TNRC6A: variants seen among roughly 807,000 people sequenced by gnomAD.
TNRC6A encodes trinucleotide repeat containing adaptor 6A.
A neutral mutation model predicts 221.2 loss-of-function variants in TNRC6A; 44 were observed. That is an observed-to-expected ratio of 0.20 (90% confidence interval 0.16 to 0.26). The LOEUF (loss-of-function observed/expected upper bound fraction) is 0.26. Among genes scored for constraint, TNRC6A ranks in the 10% least tolerant of loss-of-function variants. The pLI is 1.00. For missense variants in TNRC6A, 2,199 were observed against 2,404.4 expected (o/e 0.91, Z 1.79); for synonymous variants, 847 against 838.5 (o/e 1.01, Z -0.18).
chr16:24,729,839 C>A lies in TNRC6A; in HGVS notation c.-3C>A. 7.2e-7 allele frequency: 1 copy of A among 1,382,168 alleles called. No individual in the cohort carries two copies. The highest frequency in any genetic ancestry group is 1.7e-5 in the South Asian group (1 of 58,452). 85.6% of individuals were successfully genotyped at this position (1,382,168 alleles called of 1,614,324 possible). On this transcript the variant is annotated 5_prime_UTR_variant, in exon 1 of 25. Coordinates refer to ENST00000395799, the MANE Select transcript of TNRC6A (RefSeq NM_014494.4). ...GCCCCACTTGCTCGTGCACTTTACA[C>A]ACATGAGGTGAGCGGAACAAGGGCC...
At chr16:24,647,831 C>T (rs569318466) in intron 2 of TNRC6A, among the ~76,000 whole-genome samples, 2 of 152,032 alleles carry the variant, frequency 1.3e-5, no homozygotes, top group Non-Finnish European at 2.9e-5. Context: ...AGGCTGGTCT[C>T]GAACTCCTGA....
intron 2 of TNRC6A, among the ~76,000 whole-genome samples, chr16:24,680,533 A>G (rs1419688121): frequency 6.6e-6 from 1 of 151,956 alleles, no homozygotes; most frequent in South Asian, 2.1e-4. Flanking sequence ...CCTCACCAAC[A>G]TAGTGAAACC....
chr16:24,804,571 G>T, intron 12 of TNRC6A, 134 bp from the exon 13 acceptor site: 2 of 1,346,460 alleles, frequency 1.5e-6, no homozygotes, highest in East Asian at 2.4e-5. Flanking sequence ...ACACTAATCC[G>T]ATCTCTTCTG....
intron 1 of TNRC6A, among the ~76,000 whole-genome samples, chr16:24,626,754 A>G (rs572810648): frequency 1.4e-5 from 2 of 144,778 alleles, no homozygotes; most frequent in African/African-American, 5.2e-5. Context: ...GGTTCACGCC[A>G]TTCTCTTGCC....
chr16:24,784,459 G>A (rs1205903789), intron 5 of TNRC6A, among the ~76,000 whole-genome samples: 1 of 152,174 alleles, frequency 6.6e-6, no homozygotes, highest in East Asian at 1.9e-4. Flanking sequence ...AAGGAGCTGG[G>A]ACCCCAGGTA....
chr16:24,643,717 C>T (rs751012504), intron 2 of TNRC6A, among the ~76,000 whole-genome samples: 6 of 152,148 alleles, frequency 3.9e-5, no homozygotes, highest in Non-Finnish European at 5.9e-5. Flanking sequence ...CACCCCTCCC[C>T]GCCGCCCCAT....
Position 24,791,030 on chromosome 16 carries a change from A to G in TNRC6A, c.2388A>G (p.Lys796=). 1 of 1,591,376 alleles carries G rather than the reference A, an allele frequency of 6.3e-7. No homozygotes were observed. The highest frequency in any genetic ancestry group is 8.6e-7 in the Non-Finnish European group (1 of 1,168,648). ...PKPALRWGDS[K]GSNCQGGWED... is the part of the protein sequence containing the mutation. ...CTGCTCTGAGGTGGGGAGATTCCAA[A>G]GGCTCAAACTGCCAGGGGGGGTGGG... Residue 796 remains lysine, a synonymous_variant, in exon 6 of 25, where the codon AAA becomes AAG. Transcript: ENST00000395799.
intron 2 of TNRC6A, among the ~76,000 whole-genome samples, chr16:24,731,780 T>C (rs1228916230): frequency 6.6e-6 from 1 of 152,164 alleles, no homozygotes; most frequent in Non-Finnish European, 1.5e-5. Flanking sequence ...AGAACTCGAG[T>C]CTGGGTTGGC....
At chr16:24,645,763 G>A (rs779240616) in intron 2 of TNRC6A, among the ~76,000 whole-genome samples, 8 of 145,006 alleles carry the variant, frequency 5.5e-5, no homozygotes, top group East Asian at 2.0e-4. Context: ...TTGGGAGGCC[G>A]AGGTGGGGAA....
chr16:24,657,317 CA>C (rs56241898), intron 2 of TNRC6A, among the ~76,000 whole-genome samples: 2,875 of 87,960 alleles, frequency 0.033, 72 homozygotes, highest in East Asian at 0.13. Context: ...GACCCTATCT[CA>C]AAAAAAAAAA....
At position 24,809,472 on chromosome 16, in the gene TNRC6A, A is replaced by G; in HGVS notation, c.4663A>G (p.Ser1555Gly). ...SVNTSLDQNS[S>G]KHGAISSGFR... ...GAACACATCTTTGGATCAAAACTCC[A>G]GCAAACATGGTACAAAAGATACATC... Residue 1555 changes from serine to glycine, a missense_variant, in exon 18 of 25, where the codon AGC becomes GGC. Physicochemically the swap from Ser to Gly is moderately conservative, Grantham distance 56 (BLOSUM62 0). Transcript: ENST00000395799. 1 of 1,567,400 alleles carries G rather than the reference A, an allele frequency of 6.4e-7. No individual in the cohort carries two copies. Among genetic ancestry groups the G allele is most frequent in the South Asian group, 1.2e-5 (1 of 81,848 alleles).
At chr16:24,715,197 A>T (rs1413071885) in intron 2 of TNRC6A, among the ~76,000 whole-genome samples, 1 of 152,162 alleles carries the variant, frequency 6.6e-6, no homozygotes, top group African/African-American at 2.4e-5. Context: ...AATTACTTGA[A>T]TGCAGCTTGA....
At chr16:24,715,641 G>A (rs191528272) in intron 2 of TNRC6A, among the ~76,000 whole-genome samples, 9 of 142,374 alleles carry the variant, frequency 6.3e-5, no homozygotes, top group Admixed American at 2.2e-4. Flanking sequence ...TAATTAAGAC[G>A]GAGTCTCACT....
chr16:24,820,064 T>C, intron 21 of TNRC6A, 75 bp from the exon 22 acceptor site: 1 of 1,365,430 alleles, frequency 7.3e-7, no homozygotes, highest in Non-Finnish European at 1.0e-6. Flanking sequence ...TGTGGGAGAA[T>C]GGATGTCATT....
At chr16:24,768,460 T>C (rs2151614730) in intron 4 of TNRC6A, among the ~76,000 whole-genome samples, 1 of 149,634 alleles carries the variant, frequency 6.7e-6, no homozygotes, top group Non-Finnish European at 1.5e-5. Context: ...AAAATCTTAA[T>C]TGCAATGAAA....
intron 1 of TNRC6A, among the ~76,000 whole-genome samples, chr16:24,630,510 C>G (rs1289744109): frequency 1.3e-5 from 2 of 152,086 alleles, no homozygotes; most frequent in East Asian, 3.9e-4. Context: ...CAAAAACAAA[C>G]AACAACAACA....
chr16:24,793,647 C>A lies in TNRC6A; in HGVS notation c.3350C>A (p.Ser1117Tyr). The A allele has an allele frequency of 6.8e-7, 1 of 1,474,720 alleles. No homozygotes were observed. Among genetic ancestry groups the A allele is most frequent in the African/African-American group, 1.4e-5 (1 of 71,156 alleles). 91.4% of individuals were successfully genotyped at this position (1,474,720 alleles called of 1,614,324 possible). A position where few individuals can be genotyped will look rare whatever the true frequency, so the allele number is the denominator to read the frequency against. The change falls in exon 7 of 25, where the codon TCT becomes TAT. Residue 1117 changes from serine (S) to tyrosine (Y), a missense_variant and splice_region_variant. Physicochemically the swap from Ser to Tyr is moderately radical, Grantham distance 144 (BLOSUM62 -2). Transcript: ENST00000395799. ...SSVGPQALSK[S>Y]GPKSMQDGWC... ...GTTGGTCCACAAGCATTAAGCAAAT[C>A]TGGTAAGTTATTGACAATGCCTGGT...
chr16:24,715,969 A>G (rs2056305969), intron 2 of TNRC6A, among the ~76,000 whole-genome samples: 1 of 151,892 alleles, frequency 6.6e-6, no homozygotes, highest in Non-Finnish European at 1.5e-5. Context: ...GTTTTTAGCT[A>G]AAGACCCAAG....
intron 2 of TNRC6A, among the ~76,000 whole-genome samples, chr16:24,714,879 GTTTTTTTT>G (rs566800021): frequency 7.1e-6 from 1 of 140,246 alleles, no homozygotes; most frequent in African/African-American, 2.6e-5. Context: ...TAGTTTTTTT[GTTTTTTTT>G]TTTTTCTGGG....
Sources: gnomAD v4.1 joint callset for allele counts (sites outside exome capture counted in the v4.1 genomes callset) on GRCh38, gnomAD v4.1.1 for gene constraint, MANE v1.5 for transcripts, NCBI Gene and HGNC (gene_info 2026-07-23, HGNC 2026-07-21) for gene names.